The following USP32 variants were observed in gnomAD, a reference collection of about 807,000 sequenced individuals.
USP32 encodes the protein ubiquitin specific peptidase 32.
In USP32, 59 loss-of-function variants were observed where a neutral mutation model predicts 204.8. That is an observed-to-expected ratio of 0.29 (90% confidence interval 0.23 to 0.36). The LOEUF is 0.36. Ranked by LOEUF, USP32 falls within the 10% of genes least tolerant of loss-of-function variation. The pLI is 1.00. For missense variants in USP32, 1,160 were observed against 1,946.4 expected, an observed-to-expected ratio of 0.60 and a Z score of 7.60; for synonymous variants, 517 against 678.4, an observed-to-expected ratio of 0.76 and a Z score of 3.70.
intron 9 of USP32, among the ~76,000 whole-genome samples, chr17:60,260,532 A>AG (rs1037121990): frequency 4.5e-4 from 69 of 151,710 alleles, no homozygotes; most frequent in African/African-American, 1.6e-3. Context: ...AAAAAAAAAA[A>AG]ATACAGGAAT....
In USP32 at chr17:60,355,434, T is replaced by C. The variant is rs558335414; in HGVS notation, c.59-9826A>G. ...GTAAGGAGACCGATTGCCGGAATGG[T>C]AAAGACCTCTGAAAATCCATTCTTC... is the stretch of plus-strand genomic sequence containing the variant. On this transcript the variant is annotated intron_variant, in intron 1 of 33. Coordinates refer to ENST00000300896, the MANE Select transcript of USP32 (RefSeq NM_032582.4). Among the ~76,000 whole-genome samples the C allele has an allele frequency of 9.2e-5, 14 of 152,240 alleles. No individual in the cohort carries two copies. The South Asian group carries it at 2.9e-3, about 32-fold the overall frequency.
chr17:60,381,024 T>G lies in USP32; in HGVS notation c.58+10858A>C, dbSNP rs560158411. 1.2e-4 allele frequency among the ~76,000 whole-genome samples: 18 copies of G among 152,352 alleles called. 1 individual carries two copies. The South Asian group carries it at 3.7e-3, about 32-fold the overall frequency. The stretch of plus-strand genomic sequence containing the variant: ...CATTTGAATATTTGCATAAATGTCA[T>G]GAGACAAAATTTACTCTAGAAAGCA... On this transcript the variant is annotated intron_variant, in intron 1 of 33. Coordinates refer to ENST00000300896, the MANE Select transcript of USP32 (RefSeq NM_032582.4).
chr17:60,248,243 A>G (rs2086085147), intron 11 of USP32, among the ~76,000 whole-genome samples: 1 of 152,232 alleles, frequency 6.6e-6, no homozygotes, highest in Non-Finnish European at 1.5e-5. Flanking sequence ...GCTGTTTATC[A>G]CATTGTGGTT....
chr17:60,374,868 A>T (rs2089509995), intron 1 of USP32, among the ~76,000 whole-genome samples: 1 of 152,248 alleles, frequency 6.6e-6, no homozygotes, highest in Admixed American at 6.5e-5. Flanking sequence ...GTTAACCAAA[A>T]CATCATCATG....
At chr17:60,288,704 A>C (rs952107017) in intron 4 of USP32, 22 bp from the exon 5 acceptor site, 8 of 1,586,134 alleles carry the variant, frequency 5.0e-6, no homozygotes, top group Non-Finnish European at 6.8e-6. Flanking sequence ...ACAAGAAAAC[A>C]TAAGTTTAGT....
intron 5 of USP32, among the ~76,000 whole-genome samples, chr17:60,280,418 C>A (rs1053840872): frequency 2.0e-5 from 3 of 152,074 alleles, no homozygotes; most frequent in Non-Finnish European, 4.4e-5. Context: ...GTTAATTATT[C>A]TAAGTCTGTA....
intron 26 of USP32, among the ~76,000 whole-genome samples, chr17:60,203,172 G>A (rs1293226662): frequency 1.3e-5 from 2 of 150,270 alleles, no homozygotes; most frequent in Admixed American, 1.3e-4. Flanking sequence ...TTGGGAGGCC[G>A]AGGCAGGCAG....
intron 2 of USP32, among the ~76,000 whole-genome samples, chr17:60,333,416 T>C (rs1046857369): frequency 3.3e-5 from 5 of 152,078 alleles, no homozygotes. Context: ...CTGGCCAACA[T>C]GGTGAAACCC....
At position 60,226,071 on chromosome 17, in the gene USP32, G is replaced by C. The variant is rs999345821; in HGVS notation, c.1400C>G (p.Thr467Ser). The change falls in exon 13 of 34, where the codon ACT becomes AGT. Residue 467 changes from threonine to serine, a missense_variant. Physicochemically the swap from Thr to Ser is moderately conservative, Grantham distance 58. This residue lies in a region of USP32 where 536 missense variants were observed against 680.9 expected (regional missense o/e 0.79). Coordinates refer to ENST00000300896, the MANE Select transcript of USP32 (RefSeq NM_032582.4). ...AGCAGTTTCTGAGGCTTCAGATGCA[G>C]TAGAAATGTTGTCTGAAAATTTCTC... ...TEEKFSDNIS[T>S]ASEASETAGS... is the part of the protein sequence containing the mutation. 6.2e-7 allele frequency: 1 copy of C among 1,605,906 alleles called. No homozygotes were observed. Among genetic ancestry groups the C allele is most frequent in the African/African-American group, 1.3e-5 (1 of 74,478 alleles).
intron 1 of USP32, among the ~76,000 whole-genome samples, chr17:60,348,061 G>C (rs529758117): frequency 6.6e-6 from 1 of 151,612 alleles, no homozygotes; most frequent in Non-Finnish European, 1.5e-5. Context: ...GGCGGAGCTC[G>C]CAGTGAGCCA....
At chr17:60,413,824 C>G (rs373981258) in intron 1 of USP32, among the ~76,000 whole-genome samples, 1 of 144,092 alleles carries the variant, frequency 6.9e-6, no homozygotes, top group East Asian at 2.0e-4. Flanking sequence ...GAGATCGCAC[C>G]GCTGCACTCC....
At chr17:60,225,398 AG>A (rs2085357154) in intron 13 of USP32, among the ~76,000 whole-genome samples, 1 of 152,154 alleles carries the variant, frequency 6.6e-6, no homozygotes, top group African/African-American at 2.4e-5. Flanking sequence ...CAGAGGCTGC[AG>A]TAAGCCGTGA....
At chr17:60,280,977 A>G (rs1414305651) in intron 5 of USP32, among the ~76,000 whole-genome samples, 2 of 152,270 alleles carry the variant, frequency 1.3e-5, no homozygotes, top group Admixed American at 6.5e-5. Context: ...GCTGCTTGCC[A>G]GAAGCCAGCA....
At chr17:60,389,824 G>A (rs1299092312) in intron 1 of USP32, among the ~76,000 whole-genome samples, 3 of 151,974 alleles carry the variant, frequency 2.0e-5, no homozygotes, top group Admixed American at 1.3e-4. Flanking sequence ...AGACCATCCC[G>A]GCTAACACGG....
chr17:60,203,081 T>A (rs947016507), intron 26 of USP32, among the ~76,000 whole-genome samples: 6 of 147,164 alleles, frequency 4.1e-5, no homozygotes, highest in Admixed American at 2.7e-4. Flanking sequence ...GAAACCTTAG[T>A]TTCAGACTTC....
At chr17:60,347,649 G>A (rs957963068) in intron 1 of USP32, among the ~76,000 whole-genome samples, 28 of 145,642 alleles carry the variant, frequency 1.9e-4, no homozygotes, top group East Asian at 8.4e-4. Context: ...CACCGCGCCC[G>A]GCCTACACCT....
intron 27 of USP32, among the ~76,000 whole-genome samples, chr17:60,194,699 T>C (rs1407127361): frequency 6.6e-6 from 1 of 152,216 alleles, no homozygotes; most frequent in Non-Finnish European, 1.5e-5. Context: ...AAATGTCATA[T>C]TCTAGACCTT....
intron 2 of USP32, among the ~76,000 whole-genome samples, chr17:60,326,832 T>C (rs923662201): frequency 1.3e-5 from 2 of 152,206 alleles, no homozygotes; most frequent in Admixed American, 1.3e-4. Flanking sequence ...TATATTTATA[T>C]AGATTACTAT....
intron 10 of USP32, among the ~76,000 whole-genome samples, chr17:60,252,823 T>G (rs535751546): frequency 6.6e-6 from 1 of 152,300 alleles, no homozygotes; most frequent in African/African-American, 2.4e-5. Flanking sequence ...AATAAAAGCA[T>G]AATTCAATAT....
Sources: allele counts gnomAD v4.1 joint callset (sites outside exome capture counted in the v4.1 genomes callset), GRCh38; gene constraint gnomAD v4.1.1; regional missense constraint gnomAD v4.1.1; transcripts MANE v1.5; gene names NCBI Gene and HGNC (gene_info 2026-07-23, HGNC 2026-07-21).